The following NIPBL variants were observed in gnomAD, a reference collection of about 807,000 sequenced individuals.
NIPBL encodes NIPBL cohesin loading factor.
NIPBL carries 19 observed loss-of-function variants against 321.8 expected under a neutral mutation model. The observed-to-expected ratio is 0.06, with a 90% confidence interval of 0.04 to 0.09. The LOEUF (loss-of-function observed/expected upper bound fraction) is 0.09. NIPBL is among the 10% of genes least tolerant of loss of function. The pLI, the probability that NIPBL is intolerant of heterozygous loss-of-function variation, is 1.00. For missense variants in NIPBL, 2,210 were observed against 3,327.0 expected (o/e 0.66, Z 8.26); for synonymous variants, 1,106 against 1,114.1 (o/e 0.99, Z 0.14).
chr5:36,958,563 A>G (rs1391221690), intron 4 of NIPBL, among the ~76,000 whole-genome samples: 1 of 152,214 alleles, frequency 6.6e-6, no homozygotes, highest in Non-Finnish European at 1.5e-5. Flanking sequence ...GCTTTTGAAC[A>G]TGTACATTGT....
Position 37,049,223 on chromosome 5 carries a change from C to T in NIPBL, c.6876C>T (p.His2292=). 4 of 1,614,124 alleles carry T rather than the reference C, an allele frequency of 2.5e-6. No homozygotes were observed. The highest frequency in any genetic ancestry group is 3.4e-6 in the Non-Finnish European group (4 of 1,180,004). ...YLKQVLEAFF[H]TQSSVRHFAL... ...AACAGGTGCTTGAGGCATTTTTTCA[C>T]ACCCAGTCAAGTGTACGCCACTTTG... is the stretch of plus-strand genomic sequence containing the variant. The change falls in exon 40 of 47, where the codon CAC becomes CAT. Residue 2292 remains histidine, a synonymous_variant. Coordinates refer to ENST00000282516, the MANE Select transcript of NIPBL (RefSeq NM_133433.4).
chr5:36,893,220 A>C (rs1278979925), intron 1 of NIPBL, among the ~76,000 whole-genome samples: 1 of 152,192 alleles, frequency 6.6e-6, no homozygotes, highest in African/African-American at 2.4e-5. Context: ...TGTAGTGAGA[A>C]CTATGTTACT....
At chr5:37,010,853 G>A (rs957512977) in intron 21 of NIPBL, among the ~76,000 whole-genome samples, 7 of 152,294 alleles carry the variant, frequency 4.6e-5, no homozygotes, top group African/African-American at 1.7e-4. Context: ...AATACAATAT[G>A]TAATATATAT....
At chr5:36,947,656 C>T (rs1739835226) in intron 1 of NIPBL, among the ~76,000 whole-genome samples, 1 of 151,934 alleles carries the variant, frequency 6.6e-6, no homozygotes, top group South Asian at 2.1e-4. Context: ...AATCTATGTA[C>T]ATATAGCAGC....
At chr5:37,037,416 T>C (rs573288875) in intron 33 of NIPBL, among the ~76,000 whole-genome samples, 2 of 147,602 alleles carry the variant, frequency 1.4e-5, no homozygotes, top group East Asian at 2.0e-4. Context: ...TATGTATATA[T>C]ATATATATAT....
intron 1 of NIPBL, among the ~76,000 whole-genome samples, chr5:36,884,545 C>T (rs1745745020): frequency 6.6e-6 from 1 of 152,236 alleles, no homozygotes; most frequent in East Asian, 1.9e-4. Flanking sequence ...TTACTTGTAT[C>T]TCTTGATAAA....
chr5:36,887,622 C>CG (rs1746015274), intron 1 of NIPBL, among the ~76,000 whole-genome samples: 1 of 152,176 alleles, frequency 6.6e-6, no homozygotes, highest in Admixed American at 6.5e-5. Flanking sequence ...TCTTGCTCCT[C>CG]TACCTACCCC....
At chr5:37,002,537 AGAGGCGT>A in intron 14 of NIPBL, 118 bp from the exon 15 acceptor site, 1 of 697,528 alleles carries the variant, frequency 1.4e-6, no homozygotes, top group East Asian at 2.7e-5. Context: ...GTTTATATAT[AGAGGCGT>A]CTTAGGTTAT....
chr5:36,916,139 T>C (rs897384351), intron 1 of NIPBL, among the ~76,000 whole-genome samples: 1 of 152,242 alleles, frequency 6.6e-6, no homozygotes, highest in Admixed American at 6.5e-5. Flanking sequence ...TGTTTTCTCA[T>C]TATACTTTAT....
chr5:36,984,946 T>C lies in NIPBL; in HGVS notation c.1766T>C (p.Leu589Pro). The C allele has an allele frequency of 6.2e-7, 1 of 1,613,582 alleles. No individual in the cohort carries two copies. The highest frequency in any genetic ancestry group is 8.5e-7 in the Non-Finnish European group (1 of 1,179,824). ...CTTCAGGAAGATATTGTTGGAAGTC[T>C]TAAATCTACACCAGAAAACCATCCT... ...SVLQEDIVGS[L>P]KSTPENHPET... Residue 589 changes from leucine to proline, a missense_variant, in exon 10 of 47, where the codon CTT becomes CCT. Coordinates refer to ENST00000282516, the MANE Select transcript of NIPBL (RefSeq NM_133433.4).
At chr5:36,932,778 GTTTT>G (rs35264312) in intron 1 of NIPBL, among the ~76,000 whole-genome samples, 3 of 69,840 alleles carry the variant, frequency 4.3e-5, no homozygotes, top group South Asian at 5.3e-4. Context: ...TTCCTCTGCT[GTTTT>G]TTTTTTTTTT....
intron 1 of NIPBL, among the ~76,000 whole-genome samples, chr5:36,891,206 A>G (rs1010508644): frequency 4.6e-5 from 7 of 152,198 alleles, no homozygotes; most frequent in Non-Finnish European, 8.8e-5. Flanking sequence ...CAGAGCTTGC[A>G]GTGAGCCAAG....
intron 18 of NIPBL, 69 bp downstream of exon 18, chr5:37,007,543 A>C: frequency 1.4e-5 from 15 of 1,084,482 alleles, no homozygotes; most frequent in East Asian, 2.5e-5. Context: ...AACCTAGCTC[A>C]CTCAATAATA....
At chr5:36,885,327 G>T (rs1227052695) in intron 1 of NIPBL, 2 of 485,078 alleles carry the variant, frequency 4.1e-6, no homozygotes, top group Non-Finnish European at 8.1e-6. Context: ...GGCGCCAGGG[G>T]CTCTGGTTCG....
intron 1 of NIPBL, among the ~76,000 whole-genome samples, chr5:36,904,606 C>G (rs1246019491): frequency 6.6e-6 from 1 of 152,188 alleles, no homozygotes; most frequent in East Asian, 1.9e-4. Context: ...TGCCCTTTTA[C>G]TCATGGTATC....
At chr5:36,900,753 C>T (rs80060072) in intron 1 of NIPBL, among the ~76,000 whole-genome samples, 1 of 152,212 alleles carries the variant, frequency 6.6e-6, no homozygotes, top group East Asian at 1.9e-4. Context: ...TGTAAGTCTT[C>T]TGGAGGGAAT....
In NIPBL at chr5:37,010,207, A is replaced by G; in HGVS notation, c.4542A>G (p.Glu1514=). Residue 1514 remains glutamate (E), a synonymous_variant, in exon 21 of 47, where the codon GAA becomes GAG. Coordinates refer to ENST00000282516, the MANE Select transcript of NIPBL (RefSeq NM_133433.4). ...LPSSEKDSNA[E]EDSNKKIDQD... is the part of the protein sequence containing the mutation. ...CATCAGAGAAGGACTCTAATGCAGA[A>G]GAAGATTCAAATAAAAAAGTAAGGA... is the stretch of plus-strand genomic sequence containing the variant. The G allele has an allele frequency of 6.2e-7, 1 of 1,609,402 alleles. No individual in the cohort carries two copies. Among genetic ancestry groups the G allele is most frequent in the Non-Finnish European group, 8.5e-7 (1 of 1,175,874 alleles).
intron 31 of NIPBL, 61 bp downstream of exon 31, chr5:37,026,388 T>TAA: frequency 1.1e-6 from 1 of 902,978 alleles, no homozygotes; most frequent in East Asian, 2.4e-5. Context: ...GAGGCCTACA[T>TAA]GTCTTATGAA....
chr5:36,887,790 C>CT (rs1312523895), intron 1 of NIPBL, among the ~76,000 whole-genome samples: 4 of 152,154 alleles, frequency 2.6e-5, no homozygotes, highest in South Asian at 2.1e-4. Flanking sequence ...ATCCAGCTGT[C>CT]TATCAGGTAC....
Sources: gnomAD v4.1 joint callset for allele counts (sites outside exome capture counted in the v4.1 genomes callset) on GRCh38, gnomAD v4.1.1 for gene constraint, MANE v1.5 for transcripts, NCBI Gene and HGNC (gene_info 2026-07-23, HGNC 2026-07-21) for gene names.